OSBPL6: variants seen among roughly 807,000 people sequenced by gnomAD.
The protein encoded by OSBPL6 is oxysterol-binding protein-related protein 6.
A neutral mutation model predicts 125.8 loss-of-function variants in OSBPL6; 49 were observed. The ratio of observed to expected loss-of-function variants is 0.39; its 90% CI spans 0.31 to 0.49. The LOEUF is 0.49. OSBPL6 is among the 20% of genes least tolerant of loss of function. The pLI, the probability that OSBPL6 is intolerant of heterozygous loss-of-function variation, is 0.88. For missense variants in OSBPL6, 986 were observed against 1,135.4 expected (o/e 0.87, Z 1.89); for synonymous variants, 394 against 391.8 (o/e 1.01, Z -0.07).
At chr2:178,314,167 A>G (rs1687538965) in intron 3 of OSBPL6, among the ~76,000 whole-genome samples, 1 of 152,238 alleles carries the variant, frequency 6.6e-6, no homozygotes, top group Non-Finnish European at 1.5e-5. Flanking sequence ...CAAATCTTCT[A>G]AATAGGAAAT....
intron 4 of OSBPL6, among the ~76,000 whole-genome samples, chr2:178,325,353 T>G (rs1038538426): frequency 2.0e-5 from 3 of 152,184 alleles, no homozygotes; most frequent in Non-Finnish European, 2.9e-5. Context: ...ACTACCCAAC[T>G]GTATGGAATA....
chr2:178,298,706 GT>G (rs760113201), intron 2 of OSBPL6, among the ~76,000 whole-genome samples: 84 of 134,574 alleles, frequency 6.2e-4, no homozygotes, highest in Middle Eastern at 3.9e-3. Context: ...TTTTTTTTTT[GT>G]TTTTTTTTTT....
chr2:178,335,127 C>G (rs1452590432), intron 8 of OSBPL6, among the ~76,000 whole-genome samples: 1 of 152,090 alleles, frequency 6.6e-6, no homozygotes, highest in Non-Finnish European at 1.5e-5. Context: ...TTACTTGGTT[C>G]ATCCAGCTTC....
At chr2:178,297,168 A>G (rs1685833536) in intron 2 of OSBPL6, among the ~76,000 whole-genome samples, 1 of 151,966 alleles carries the variant, frequency 6.6e-6, no homozygotes, top group African/African-American at 2.4e-5. Flanking sequence ...TTTTTTTAGG[A>G]CAACTGAGAG....
intron 1 of OSBPL6, among the ~76,000 whole-genome samples, chr2:178,214,473 A>G (rs1478887879): frequency 6.6e-6 from 1 of 152,324 alleles, no homozygotes; most frequent in East Asian, 1.9e-4. Flanking sequence ...TCCGTAGGAC[A>G]GGCTGTCTGG....
chr2:178,212,787 T>C (rs1465457800), intron 1 of OSBPL6, among the ~76,000 whole-genome samples: 1 of 151,756 alleles, frequency 6.6e-6, no homozygotes, highest in Non-Finnish European at 1.5e-5. Flanking sequence ...GAGTGTGCCC[T>C]GTGTGAACAC....
chr2:178,287,329 G>A (rs181286827), intron 2 of OSBPL6, among the ~76,000 whole-genome samples: 1 of 151,286 alleles, frequency 6.6e-6, no homozygotes, highest in African/African-American at 2.4e-5. Flanking sequence ...TTCTTGATTG[G>A]TATCCATTTT....
chr2:178,206,908 C>A (rs543143786), intron 1 of OSBPL6, among the ~76,000 whole-genome samples: 22 of 152,108 alleles, frequency 1.4e-4, no homozygotes, highest in African/African-American at 5.3e-4. Context: ...AGCCACCACA[C>A]CCAGCCTGTT....
chr2:178,205,048 A>G (rs2089459731), intron 1 of OSBPL6, among the ~76,000 whole-genome samples: 1 of 152,010 alleles, frequency 6.6e-6, no homozygotes, highest in African/African-American at 2.4e-5. Flanking sequence ...AGTTTCACAG[A>G]TGAGAAAATA....
rs1445195482 is a variant in OSBPL6, at chr2:178,388,996, C to T, written c.2157-13C>T. The T allele has an allele frequency of 1.9e-6, 3 of 1,612,640 alleles. No individual in the cohort carries two copies. The South Asian group carries it at 3.3e-5, about 18-fold the overall frequency. ...CCTTGGTTGTTTTTCATCAGTGTTA[C>T]ATTCTTCACTAGGTATGGAGATTAC... On this transcript the variant is annotated splice_polypyrimidine_tract_variant and intron_variant, in intron 20 of 24. Transcript: ENST00000190611.
At chr2:178,345,896 T>C (rs1559273601) in intron 11 of OSBPL6, among the ~76,000 whole-genome samples, 1 of 152,124 alleles carries the variant, frequency 6.6e-6, no homozygotes, top group Non-Finnish European at 1.5e-5. Flanking sequence ...ATAGAATGGG[T>C]TTATATTTTT....
chr2:178,308,685 TCTTAGA>T (rs909697466), intron 3 of OSBPL6, among the ~76,000 whole-genome samples: 14 of 152,198 alleles, frequency 9.2e-5, no homozygotes, highest in African/African-American at 3.1e-4. Flanking sequence ...ATAACCATTC[TCTTAGA>T]GATCCAGGGT....
Position 178,280,206 on chromosome 2 carries a change from A to T in OSBPL6, c.-350-4721A>T, listed in dbSNP as rs534877797. ...AGTGAGATCTGTCTCAAAAAAATTT[A>T]AAAAAAATAAAATTAAATAAAATGA... On this transcript the variant is annotated intron_variant, in intron 1 of 24. Coordinates refer to ENST00000190611, the MANE Select transcript of OSBPL6 (RefSeq NM_032523.4). Among the ~76,000 whole-genome samples, 12 of 152,170 alleles carry T rather than the reference A, an allele frequency of 7.9e-5. No homozygotes were observed. In the South Asian group the frequency reaches 1.0e-3, roughly 13 times the overall value.
At chr2:178,389,662 C>A (rs1430803236) in intron 21 of OSBPL6, among the ~76,000 whole-genome samples, 2 of 152,174 alleles carry the variant, frequency 1.3e-5, no homozygotes, top group African/African-American at 4.8e-5. Context: ...AAATTAGCCT[C>A]ATTAACAAGA....
chr2:178,315,348 T>A (rs1312980128), intron 3 of OSBPL6, among the ~76,000 whole-genome samples: 1 of 152,198 alleles, frequency 6.6e-6, no homozygotes, highest in East Asian at 1.9e-4. Flanking sequence ...AGAAAGAGAT[T>A]TGTTACCTGC....
chr2:178,200,246 C>CT (rs1559108007), intron 1 of OSBPL6, among the ~76,000 whole-genome samples: 9 of 133,590 alleles, frequency 6.7e-5, no homozygotes, highest in East Asian at 6.6e-4. Flanking sequence ...TTTCTTCAGA[C>CT]CTTTTTTTTT....
chr2:178,239,166 G>A (rs964621030), intron 1 of OSBPL6, among the ~76,000 whole-genome samples: 4 of 152,070 alleles, frequency 2.6e-5, no homozygotes, highest in Admixed American at 1.3e-4. Context: ...CAGTAAAAAG[G>A]TTTTGAGCAT....
intron 1 of OSBPL6, among the ~76,000 whole-genome samples, chr2:178,282,807 A>G (rs1336378171): frequency 6.6e-6 from 1 of 152,120 alleles, no homozygotes; most frequent in Non-Finnish European, 1.5e-5. Flanking sequence ...GCCTGCCACC[A>G]TGCCCAGCTA....
intron 1 of OSBPL6, among the ~76,000 whole-genome samples, chr2:178,269,955 C>T (rs935885585): frequency 6.6e-6 from 1 of 152,220 alleles, no homozygotes; most frequent in Non-Finnish European, 1.5e-5. Context: ...CTGCTCTGTG[C>T]CGATAACTCT....
Sources: gnomAD v4.1 joint callset for allele counts (sites outside exome capture counted in the v4.1 genomes callset) on GRCh38, gnomAD v4.1.1 for gene constraint, MANE v1.5 for transcripts, NCBI Gene and HGNC (gene_info 2026-07-23, HGNC 2026-07-21) for gene names.